The following FAM114A1 variants were observed in gnomAD, a reference collection of about 807,000 sequenced individuals.
The protein encoded by FAM114A1 is protein NOXP20.
FAM114A1 carries 62 observed loss-of-function variants against 64.3 expected under a neutral mutation model. The ratio of observed to expected loss-of-function variants is 0.96; its 90% CI spans 0.79 to 1.19. FAM114A1 has a LOEUF of 1.19. Among genes scored for constraint, FAM114A1 ranks in the 50% most tolerant of loss-of-function variants. The pLI is 0.00. For missense variants in FAM114A1, 645 were observed against 676.3 expected, an observed-to-expected ratio of 0.95 and a Z score of 0.51; for synonymous variants, 254 against 251.1, an observed-to-expected ratio of 1.01 and a Z score of -0.11.
At chr4:38,877,443 G>A (rs1041635370) in intron 2 of FAM114A1, among the ~76,000 whole-genome samples, 1 of 152,060 alleles carries the variant, frequency 6.6e-6, no homozygotes, top group Non-Finnish European at 1.5e-5. Flanking sequence ...GTTCACAATA[G>A]GGTTCATGCT....
intron 7 of FAM114A1, among the ~76,000 whole-genome samples, chr4:38,914,100 C>CA (rs1282466073): frequency 1.1e-4 from 17 of 151,106 alleles, no homozygotes; most frequent in Non-Finnish European, 2.5e-4. Flanking sequence ...AACTCCATCT[C>CA]AAAAAAATAA....
At chr4:38,940,905 T>G (rs964436020) in intron 13 of FAM114A1, 63 bp from the exon 14 acceptor site, 21 of 1,541,876 alleles carry the variant, frequency 1.4e-5, no homozygotes, top group Non-Finnish European at 1.4e-5. Context: ...GTATTACATT[T>G]TACGTGGCAA....
intron 4 of FAM114A1, among the ~76,000 whole-genome samples, chr4:38,902,671 A>G (rs1717624810): frequency 1.3e-5 from 2 of 152,202 alleles, no homozygotes; most frequent in South Asian, 2.1e-4. Flanking sequence ...AGGATATTCC[A>G]TCTTTAGAAC....
intron 4 of FAM114A1, among the ~76,000 whole-genome samples, chr4:38,901,459 G>A (rs1717514552): frequency 1.3e-5 from 2 of 152,018 alleles, no homozygotes; most frequent in African/African-American, 4.8e-5. Context: ...GGCAAATTTT[G>A]TATTGTATTT....
chr4:38,936,399 GT>G (rs1303552573), intron 13 of FAM114A1, among the ~76,000 whole-genome samples: 2 of 149,352 alleles, frequency 1.3e-5, no homozygotes, highest in Non-Finnish European at 3.0e-5. Flanking sequence ...TGGCCTGTTT[GT>G]TTTTTTTAAA....
At chr4:38,893,189 G>A (rs1716561762) in intron 4 of FAM114A1, among the ~76,000 whole-genome samples, 1 of 152,260 alleles carries the variant, frequency 6.6e-6, no homozygotes, top group Admixed American at 6.5e-5. Flanking sequence ...TTGGAAAAAT[G>A]TTTGAACTTA....
chr4:38,915,392 C>T (rs535894794), intron 8 of FAM114A1, among the ~76,000 whole-genome samples: 7 of 152,294 alleles, frequency 4.6e-5, no homozygotes, highest in Admixed American at 6.5e-5. Context: ...CCTTTGGTAA[C>T]GAAGTACCCA....
chr4:38,942,113 C>T lies in FAM114A1; in HGVS notation c.1590+1092C>T, dbSNP rs144676552. 7.9e-3 allele frequency among the ~76,000 whole-genome samples: 1,210 copies of T among 152,230 alleles called. 14 individuals carry two copies. Among genetic ancestry groups the T allele is most frequent in the African/African-American group, 0.027 (1,137 of 41,524 alleles). On this transcript the variant is annotated intron_variant, in intron 14 of 14. Coordinates refer to ENST00000358869, the MANE Select transcript of FAM114A1 (RefSeq NM_138389.4). ...CTTACTCACTATTACAAGAATAGCACGGGAAAGACCTGCCCCCATGATTCA... is the reference window on the plus strand; with the variant it reads ...CTTACTCACTATTACAAGAATAGCATGGGAAAGACCTGCCCCCATGATTCA...
intron 3 of FAM114A1, among the ~76,000 whole-genome samples, chr4:38,882,039 G>A (rs913897138): frequency 1.3e-4 from 20 of 152,274 alleles, no homozygotes; most frequent in South Asian, 4.2e-4. Context: ...AGGGCCGGGC[G>A]CGGTGGCTCA....
intron 9 of FAM114A1, among the ~76,000 whole-genome samples, chr4:38,928,194 C>G (rs1017080713): frequency 2.0e-5 from 3 of 152,182 alleles, no homozygotes; most frequent in Admixed American, 6.5e-5. Context: ...ATGGCTTAGT[C>G]CCCTCTTCAA....
chr4:38,922,143 T>G (rs1278788859), intron 8 of FAM114A1, among the ~76,000 whole-genome samples: 1 of 152,182 alleles, frequency 6.6e-6, no homozygotes, highest in Non-Finnish European at 1.5e-5. Flanking sequence ...GGTTTCACCC[T>G]GTCGGCCAGG....
At chr4:38,927,290 C>T (rs537708636) in intron 9 of FAM114A1, among the ~76,000 whole-genome samples, 1 of 152,326 alleles carries the variant, frequency 6.6e-6, no homozygotes, top group South Asian at 2.1e-4. Flanking sequence ...AAATCTATTT[C>T]TCACAGCTTT....
intron 3 of FAM114A1, among the ~76,000 whole-genome samples, chr4:38,888,354 C>CA (rs1006675632): frequency 1.4e-4 from 21 of 151,870 alleles, no homozygotes; most frequent in African/African-American, 5.1e-4. Flanking sequence ...CCTGTCTCTA[C>CA]AAAAAATAAT....
At chr4:38,922,316 A>C (rs1719678580) in intron 8 of FAM114A1, among the ~76,000 whole-genome samples, 1 of 152,242 alleles carries the variant, frequency 6.6e-6, no homozygotes, top group Admixed American at 6.5e-5. Flanking sequence ...CCCTCAAAAC[A>C]ACCTTATAAG....
At chr4:38,869,901 C>CCTTT (rs1386681557) in intron 2 of FAM114A1, among the ~76,000 whole-genome samples, 3 of 152,104 alleles carry the variant, frequency 2.0e-5, no homozygotes, top group African/African-American at 7.2e-5. Flanking sequence ...TGAAGGCAGT[C>CCTTT]CTTTACATTT....
intron 8 of FAM114A1, among the ~76,000 whole-genome samples, chr4:38,921,230 A>G (rs1719560130): frequency 6.6e-6 from 1 of 152,206 alleles, no homozygotes; most frequent in Non-Finnish European, 1.5e-5. Context: ...CATTTTGGAA[A>G]TTCAAATCAA....
intron 4 of FAM114A1, among the ~76,000 whole-genome samples, chr4:38,896,271 C>CA (rs1384882433): frequency 1.3e-5 from 2 of 152,252 alleles, no homozygotes; most frequent in African/African-American, 4.8e-5. Flanking sequence ...CTCCTCCCCC[C>CA]AAAATGAATG....
chr4:38,914,706 C>G, intron 7 of FAM114A1: 1 of 493,600 alleles, frequency 2.0e-6, no homozygotes, highest in Non-Finnish European at 3.5e-6. Flanking sequence ...TTTGTTTTGC[C>G]TTTCACATAA....
intron 4 of FAM114A1, among the ~76,000 whole-genome samples, chr4:38,897,716 A>G (rs1318336129): frequency 1.3e-5 from 2 of 151,860 alleles, no homozygotes; most frequent in East Asian, 3.9e-4. Flanking sequence ...AGGCAGGTAA[A>G]TCAACTTGAG....
Sources: gnomAD v4.1 joint callset for allele counts (sites outside exome capture counted in the v4.1 genomes callset) on GRCh38, gnomAD v4.1.1 for gene constraint, MANE v1.5 for transcripts, NCBI Gene and HGNC (gene_info 2026-07-23, HGNC 2026-07-21) for gene names.